The following PPIP5K2 variants were observed in gnomAD, a reference collection of about 807,000 sequenced individuals.
PPIP5K2 encodes diphosphoinositol pentakisphosphate kinase 2.
A neutral mutation model predicts 154.6 loss-of-function variants in PPIP5K2; 105 were observed. The observed-to-expected ratio is 0.68, with a 90% CI of 0.58 to 0.80. The LOEUF (loss-of-function observed/expected upper bound fraction) is 0.80. PPIP5K2 is among the 30% of genes least tolerant of loss of function. PPIP5K2 has a pLI of 0.00. For synonymous variants in PPIP5K2, 480 were observed against 490.3 expected (o/e 0.98, Z 0.28); for missense variants, 992 against 1,504.6 (o/e 0.66, Z 5.64).
At chr5:103,157,216 C>T (rs1562431615) in intron 14 of PPIP5K2, among the ~76,000 whole-genome samples, 1 of 151,584 alleles carries the variant, frequency 6.6e-6, no homozygotes, top group Non-Finnish European at 1.5e-5. Flanking sequence ...TTTCAGAACC[C>T]AACACAGATC....
intron 5 of PPIP5K2, among the ~76,000 whole-genome samples, chr5:103,140,149 T>TAA (rs5870043): frequency 6.9e-6 from 1 of 145,684 alleles, no homozygotes; most frequent in Non-Finnish European, 1.5e-5. Flanking sequence ...GGGAAAATGT[T>TAA]AAAAAAAAAA....
At position 103,208,021 on chromosome 5, in the gene PPIP5K2, G is replaced by C. The variant is rs184412160; in HGVS notation, c.*6387G>C. 2.8e-4 allele frequency: 39 copies of C among 140,118 alleles called. No homozygotes were observed. The highest frequency in any genetic ancestry group is 8.3e-4 in the African/African-American group (34 of 40,726). The allele number at this position is 140,118 out of a possible 1,614,324, so 8.7% of individuals were successfully genotyped here. A position where few individuals can be genotyped will look rare whatever the true frequency, so the allele number is the denominator to read the frequency against. On this transcript the variant is annotated 3_prime_UTR_variant, in exon 31 of 31. Coordinates refer to ENST00000358359, the MANE Select transcript of PPIP5K2 (RefSeq NM_001276277.3). Reference sequence around the variant, plus strand: ...ATTTGATACAATTTCTTTTTTGTTTGTTTTTGTTTTGTTTTTGTTGTTTTT... The same window carrying C: ...ATTTGATACAATTTCTTTTTTGTTTCTTTTTGTTTTGTTTTTGTTGTTTTT...
At chr5:103,150,239 A>G (rs1403496827) in intron 8 of PPIP5K2, among the ~76,000 whole-genome samples, 1 of 152,180 alleles carries the variant, frequency 6.6e-6, no homozygotes, top group African/African-American at 2.4e-5. Flanking sequence ...TCATGGAAGG[A>G]ATGTTAGCCT....
At chr5:103,166,039 T>A (rs1359728301) in intron 17 of PPIP5K2, among the ~76,000 whole-genome samples, 1 of 152,070 alleles carries the variant, frequency 6.6e-6, no homozygotes, top group African/African-American at 2.4e-5. Context: ...TGAAGAATTG[T>A]AACAGAAGAT....
At position 103,205,107 on chromosome 5, in the gene PPIP5K2, GT is replaced by G. The variant is rs1803436272; in HGVS notation, c.*3476del. 1 of 152,198 alleles carries G rather than the reference GT, an allele frequency of 6.6e-6. No individual in the cohort carries two copies. The highest frequency in any genetic ancestry group is 1.5e-5 in the Non-Finnish European group (1 of 68,150). 9.4% of individuals were successfully genotyped at this position (152,198 alleles called of 1,614,324 possible). On this transcript the variant is annotated 3_prime_UTR_variant, in exon 31 of 31. Coordinates refer to ENST00000358359, the MANE Select transcript of PPIP5K2 (RefSeq NM_001276277.3). The stretch of plus-strand genomic sequence containing the variant: ...CCTCTTATGAGTGAGAACATGCGGT[GT>G]TTGGTTTTCTGTCCTTGTGATAGTT...
intron 8 of PPIP5K2, among the ~76,000 whole-genome samples, chr5:103,150,678 C>T (rs1387137726): frequency 6.6e-6 from 1 of 151,894 alleles, no homozygotes; most frequent in South Asian, 2.1e-4. Flanking sequence ...GGCTGGGGCA[C>T]AAGAATTCCT....
intron 5 of PPIP5K2, among the ~76,000 whole-genome samples, chr5:103,140,620 C>T (rs1223503797): frequency 6.6e-6 from 1 of 151,308 alleles, no homozygotes; most frequent in Non-Finnish European, 1.5e-5. Context: ...GAGGCCGAGG[C>T]GGGCGGATCA....
chr5:103,152,824 C>A, intron 10 of PPIP5K2, 75 bp downstream of exon 10: 1 of 999,824 alleles, frequency 1.0e-6, no homozygotes, highest in African/African-American at 1.6e-5. Flanking sequence ...AATTAAATTT[C>A]TGAATGATGA....
chr5:103,192,712 A>G (rs1801431896), intron 29 of PPIP5K2, among the ~76,000 whole-genome samples: 1 of 152,158 alleles, frequency 6.6e-6, no homozygotes, highest in African/African-American at 2.4e-5. Context: ...AATTCAGTTC[A>G]TCAGAGTGTA....
chr5:103,133,291 A>G (rs1198490066), intron 2 of PPIP5K2, among the ~76,000 whole-genome samples, 162 bp from the exon 3 acceptor site: 1 of 152,202 alleles, frequency 6.6e-6, no homozygotes, highest in Non-Finnish European at 1.5e-5. Context: ...TTAAATGTTT[A>G]TTATAACAAT....
At chr5:103,141,583 C>T (rs550933297) in intron 5 of PPIP5K2, among the ~76,000 whole-genome samples, 4 of 152,310 alleles carry the variant, frequency 2.6e-5, no homozygotes, top group Admixed American at 2.0e-4. Context: ...TTTACAATCC[C>T]TGAGCTAGAT....
chr5:103,159,504 A>G (rs1795900938), intron 17 of PPIP5K2, among the ~76,000 whole-genome samples, 176 bp downstream of exon 17: 1 of 152,164 alleles, frequency 6.6e-6, no homozygotes, highest in African/African-American at 2.4e-5. Context: ...CCCCTTTTCA[A>G]TCGCAACCCA....
intron 1 of PPIP5K2, among the ~76,000 whole-genome samples, chr5:103,124,072 A>C (rs34788): frequency 0.24 from 37,104 of 151,906 alleles, 5,168 homozygotes; most frequent in East Asian, 0.45. Context: ...CGAGGTCAGG[A>C]GATTGAAACC....
intron 21 of PPIP5K2, chr5:103,174,213 C>T (rs1270075040): frequency 3.0e-6 from 1 of 334,918 alleles, no homozygotes; most frequent in African/African-American, 2.2e-5. Flanking sequence ...ATTTTATAGA[C>T]TGGTGGCAGT....
At position 103,209,261 on chromosome 5, in the gene PPIP5K2, C is replaced by T. The variant is rs1035381098; in HGVS notation, c.*7627C>T. On this transcript the variant is annotated 3_prime_UTR_variant, in exon 31 of 31. Coordinates refer to ENST00000358359, the MANE Select transcript of PPIP5K2 (RefSeq NM_001276277.3). Reference sequence around the variant, plus strand: ...AGCTCCTAATGCTCTTTTATGGCTGCTCCTGTTGCCAGGGCAACAGCCTGC... The same window carrying T: ...AGCTCCTAATGCTCTTTTATGGCTGTTCCTGTTGCCAGGGCAACAGCCTGC... 2.6e-5 allele frequency: 4 copies of T among 152,102 alleles called. No homozygotes were observed. The highest frequency in any genetic ancestry group is 5.9e-5 in the Non-Finnish European group (4 of 68,022). 9.4% of individuals were successfully genotyped at this position (152,102 alleles called of 1,614,324 possible). A position where few individuals can be genotyped will look rare whatever the true frequency, so the allele number is the denominator to read the frequency against.
intron 4 of PPIP5K2, among the ~76,000 whole-genome samples, chr5:103,137,453 C>T (rs1008283073): frequency 3.3e-5 from 5 of 152,136 alleles, no homozygotes; most frequent in Admixed American, 3.3e-4. Context: ...TGAGCCACCG[C>T]ACCCGGCCTA....
chr5:103,138,498 C>T (rs1055327412), intron 5 of PPIP5K2, 29 bp downstream of exon 5: 14 of 1,438,714 alleles, frequency 9.7e-6, no homozygotes, highest in Non-Finnish European at 1.2e-5. Context: ...AGGTAAGCTT[C>T]CTTTGCCACT....
intron 8 of PPIP5K2, among the ~76,000 whole-genome samples, chr5:103,149,729 C>T (rs1232764101): frequency 6.7e-5 from 10 of 149,884 alleles, no homozygotes; most frequent in African/African-American, 2.2e-4. Context: ...GACGGAGTCT[C>T]GCTGTCACCC....
chr5:103,183,213 T>TTTTA, intron 24 of PPIP5K2, 21 bp from the exon 25 acceptor site: 1 of 465,806 alleles, frequency 2.1e-6, no homozygotes, highest in Non-Finnish European at 3.3e-6. Flanking sequence ...TTTTTTTTTT[T>TTTTA]GCCCCCTTTC....
Sources: gnomAD v4.1 joint callset for allele counts (sites outside exome capture counted in the v4.1 genomes callset) on GRCh38, gnomAD v4.1.1 for gene constraint, MANE v1.5 for transcripts, NCBI Gene and HGNC (gene_info 2026-07-23, HGNC 2026-07-21) for gene names.